The following LGR5 variants were observed in gnomAD, a reference collection of about 807,000 sequenced individuals.
The protein encoded by LGR5 is leucine rich repeat containing G protein-coupled receptor 5.
Under a neutral mutation model 76.7 loss-of-function variants are expected in LGR5, and 54 were observed. The ratio of observed to expected loss-of-function variants is 0.70; its 90% CI spans 0.57 to 0.88. The LOEUF is 0.88. LGR5 is among the 40% of genes least tolerant of loss of function. LGR5 has a pLI of 0.00. For missense variants in LGR5, 1,078 were observed against 1,073.3 expected (o/e 1.00, Z -0.06); for synonymous variants, 406 against 421.9 (o/e 0.96, Z 0.46).
At chr12:71,443,299 G>A (rs1477703719) in intron 1 of LGR5, among the ~76,000 whole-genome samples, 1 of 152,058 alleles carries the variant, frequency 6.6e-6, no homozygotes, top group Non-Finnish European at 1.5e-5. Context: ...TTTTTTCCCA[G>A]AAAAGCAAAA....
At chr12:71,497,385 G>A (rs1450091778) in intron 1 of LGR5, among the ~76,000 whole-genome samples, 1 of 151,192 alleles carries the variant, frequency 6.6e-6, no homozygotes. Flanking sequence ...AAGAAGGAAG[G>A]AAGGGAGGGA....
intron 1 of LGR5, among the ~76,000 whole-genome samples, chr12:71,486,979 T>A (rs1331087253): frequency 6.6e-6 from 1 of 152,184 alleles, no homozygotes; most frequent in African/African-American, 2.4e-5. Context: ...TAAAGAGTCA[T>A]ATCTGGTCAT....
At chr12:71,559,078 G>A (rs947982148) in intron 6 of LGR5, among the ~76,000 whole-genome samples, 2 of 152,168 alleles carry the variant, frequency 1.3e-5, no homozygotes, top group African/African-American at 4.8e-5. Flanking sequence ...GTTCATCCTG[G>A]ACTTCAGGCT....
intron 2 of LGR5, among the ~76,000 whole-genome samples, chr12:71,508,776 A>AAAC (rs1246912913): frequency 6.6e-6 from 1 of 151,284 alleles, no homozygotes; most frequent in East Asian, 1.9e-4. Flanking sequence ...AAAAAAAAAA[A>AAAC]AGCATTGTAA....
At chr12:71,513,426 C>T (rs1004640036) in intron 2 of LGR5, among the ~76,000 whole-genome samples, 8 of 152,164 alleles carry the variant, frequency 5.3e-5, no homozygotes, top group Non-Finnish European at 1.0e-4. Flanking sequence ...TGCTCCTGAC[C>T]AACCTAAGCT....
At chr12:71,474,587 G>A (rs1487491772) in intron 1 of LGR5, among the ~76,000 whole-genome samples, 11 of 152,132 alleles carry the variant, frequency 7.2e-5, no homozygotes, top group Non-Finnish European at 1.5e-4. Context: ...TAAACGGATG[G>A]TTTAGTTCCC....
intron 1 of LGR5, among the ~76,000 whole-genome samples, chr12:71,453,325 C>T (rs1192522078): frequency 6.6e-6 from 1 of 152,166 alleles, no homozygotes; most frequent in Non-Finnish European, 1.5e-5. Context: ...CACAAATCTC[C>T]AGGATAGCTG....
intron 3 of LGR5, among the ~76,000 whole-genome samples, chr12:71,533,789 G>A (rs1192057806): frequency 6.6e-6 from 1 of 152,218 alleles, no homozygotes; most frequent in African/African-American, 2.4e-5. Flanking sequence ...ACTGATCGCT[G>A]AGGCATAGAG....
chr12:71,453,880 T>A (rs1023963839), intron 1 of LGR5, among the ~76,000 whole-genome samples: 2 of 152,076 alleles, frequency 1.3e-5, no homozygotes, highest in Non-Finnish European at 2.9e-5. Context: ...GCAGGAAGGA[T>A]CTTTCAGTCA....
At position 71,577,987 on chromosome 12, in the gene LGR5, T is replaced by C; in HGVS notation, c.1271T>C (p.Leu424Pro). 6.2e-7 allele frequency: 1 copy of C among 1,610,776 alleles called. No homozygotes were observed. ...AATGCATTTTCCACTTTGCCATCCCTAATAAAGCTGTGAGTATTCCACAAC... is the reference window on the plus strand; with the variant it reads ...AATGCATTTTCCACTTTGCCATCCCCAATAAAGCTGTGAGTATTCCACAAC... ...HPNAFSTLPS[L>P]IKLDLSSNLL... The change falls in exon 14 of 18, where the codon CTA (leucine) becomes CCA (proline). Residue 424 changes from leucine to proline, a missense_variant. Leu to Pro is a moderately conservative substitution (Grantham distance 98). Coordinates refer to ENST00000266674, the MANE Select transcript of LGR5 (RefSeq NM_003667.4).
chr12:71,517,179 G>A (rs1018308471), intron 2 of LGR5, among the ~76,000 whole-genome samples: 3 of 152,108 alleles, frequency 2.0e-5, no homozygotes, highest in Admixed American at 6.5e-5. Flanking sequence ...TATGCATTTC[G>A]GTTTCAAAAG....
rs1878070868 is a variant in LGR5 at position 71,561,761 on chromosome 12, A to T, written c.786-20A>T. The T allele has an allele frequency of 2.0e-6, 3 of 1,520,848 alleles. No homozygotes were observed. The highest frequency in any genetic ancestry group is 2.7e-6 in the Non-Finnish European group (3 of 1,112,632). 94.2% of individuals were successfully genotyped at this position (1,520,848 alleles called of 1,614,324 possible). A position where few individuals can be genotyped will look rare whatever the true frequency, so the allele number is the denominator to read the frequency against. ...TTTTACCCCACACAGGATTTTTTAT[A>T]ATTTTTTTTCTCTTTCTAGAGGATT... On this transcript the variant is annotated intron_variant, in intron 7 of 17. Transcript: ENST00000266674.
chr12:71,560,114 C>T (rs1449649019), intron 7 of LGR5, among the ~76,000 whole-genome samples: 1 of 152,138 alleles, frequency 6.6e-6, no homozygotes, highest in Non-Finnish European at 1.5e-5. Context: ...GCAGCTGACC[C>T]TTGAACAACT....
intron 2 of LGR5, among the ~76,000 whole-genome samples, chr12:71,509,672 G>C (rs1875048338): frequency 6.6e-6 from 1 of 152,110 alleles, no homozygotes; most frequent in African/African-American, 2.4e-5. Flanking sequence ...AACTTAGCTT[G>C]GTAGTCTGAC....
At chr12:71,508,017 G>A (rs1475977559) in intron 2 of LGR5, among the ~76,000 whole-genome samples, 3 of 150,302 alleles carry the variant, frequency 2.0e-5, no homozygotes, top group Admixed American at 6.6e-5. Flanking sequence ...TCAGGAGATC[G>A]AGACCATCCT....
At chr12:71,528,663 G>C (rs1029312919) in intron 3 of LGR5, among the ~76,000 whole-genome samples, 1 of 152,036 alleles carries the variant, frequency 6.6e-6, no homozygotes, top group Non-Finnish European at 1.5e-5. Flanking sequence ...TTGTATTATT[G>C]CCTTTTAAAG....
intron 4 of LGR5, among the ~76,000 whole-genome samples, chr12:71,542,691 T>C (rs993619834): frequency 5.9e-5 from 9 of 152,176 alleles, no homozygotes; most frequent in Non-Finnish European, 4.4e-5. Flanking sequence ...AAGTTTCTGA[T>C]TTATACAGCC....
chr12:71,442,700 G>C (rs568215072), intron 1 of LGR5, among the ~76,000 whole-genome samples: 1 of 152,260 alleles, frequency 6.6e-6, no homozygotes, highest in East Asian at 1.9e-4. Context: ...AGGTATTGAG[G>C]GTTTGGGGGC....
At chr12:71,492,478 T>A (rs1396774458) in intron 1 of LGR5, among the ~76,000 whole-genome samples, 1 of 152,164 alleles carries the variant, frequency 6.6e-6, no homozygotes, top group South Asian at 2.1e-4. Context: ...TTTATTAGGG[T>A]GGGGTTTAAA....
Sources: gnomAD v4.1 joint callset for allele counts (sites outside exome capture counted in the v4.1 genomes callset) on GRCh38, gnomAD v4.1.1 for gene constraint, MANE v1.5 for transcripts, NCBI Gene and HGNC (gene_info 2026-07-23, HGNC 2026-07-21) for gene names.